NLRP5: variants seen among roughly 807,000 people sequenced by gnomAD.
NLRP5 encodes NACHT, LRR and PYD domains-containing protein 5.
In NLRP5, 93 loss-of-function variants were observed where a neutral mutation model predicts 113.1. That is an observed-to-expected ratio of 0.82 (90% CI 0.70 to 0.98). The LOEUF is 0.98. NLRP5 is among the 50% of genes least tolerant of loss of function. NLRP5 has a pLI of 0.00. For missense variants in NLRP5, 1,808 were observed against 1,514.3 expected, an observed-to-expected ratio of 1.19 and a Z score of -3.22; for synonymous variants, 751 against 600.7, an observed-to-expected ratio of 1.25 and a Z score of -3.66.
In NLRP5 at chr19:56,053,889, G is replaced by A. The variant is rs890563461; in HGVS notation, c.3299+81G>A. 164 of 1,314,144 alleles carry A rather than the reference G, an allele frequency of 1.2e-4. No individual in the cohort carries two copies. The African/African-American group carries it at 2.2e-3, about 18-fold the overall frequency. 81.4% of individuals were successfully genotyped at this position (1,314,144 alleles called of 1,614,324 possible). On this transcript the variant is annotated intron_variant, in intron 13 of 14. Coordinates refer to ENST00000390649, the MANE Select transcript of NLRP5 (RefSeq NM_153447.4). ...AGCATGAGGTTGCTTGAACAGGGAT[G>A]ATGATGATCTGGTTTCCATGAGTCC... is the stretch of plus-strand genomic sequence containing the variant.
At position 56,026,672 on chromosome 19, in the gene NLRP5, G is replaced by A. The variant is rs532943060; in HGVS notation, c.680-241G>A. ...CAGCTCACTGCAACTTCCATCTCCCGGGTTCAAGCAATTCTCCTGCCTCAG... is the reference window on the plus strand; with the variant it reads ...CAGCTCACTGCAACTTCCATCTCCCAGGTTCAAGCAATTCTCCTGCCTCAG... On this transcript the variant is annotated intron_variant, in intron 6 of 14. Transcript: ENST00000390649. 2.6e-5 allele frequency among the ~76,000 whole-genome samples: 4 copies of A among 151,568 alleles called. No homozygotes were observed. In the South Asian group the frequency reaches 6.3e-4, roughly 24 times the overall value.
the NLRP5 span, among the ~76,000 whole-genome samples, chr19:55,991,890 T>TGG: frequency 1.3e-5 from 2 of 152,100 alleles, no homozygotes; most frequent in Non-Finnish European, 2.9e-5. Context: ...TTTTTAGTTT[T>TGG]GGGGGTACAT....
At position 56,057,195 on chromosome 19, in the gene NLRP5, C is replaced by A. The variant is rs183483901; in HGVS notation, c.3300-1045C>A. 2.2e-4 allele frequency among the ~76,000 whole-genome samples: 33 copies of A among 152,272 alleles called. No homozygotes were observed. In the East Asian group the frequency reaches 4.6e-3, roughly 21 times the overall value. On this transcript the variant is annotated intron_variant, in intron 13 of 14. Coordinates refer to ENST00000390649, the MANE Select transcript of NLRP5 (RefSeq NM_153447.4). ...GATTAGGACATGTAAAACCTATATACCCACCACCTAATTTAAACAATCATT... is the reference window on the plus strand; with the variant it reads ...GATTAGGACATGTAAAACCTATATAACCACCACCTAATTTAAACAATCATT...
intron 3 of NLRP5, among the ~76,000 whole-genome samples, chr19:56,010,396 A>C (rs985125417): frequency 6.6e-6 from 1 of 152,112 alleles, no homozygotes; most frequent in Non-Finnish European, 1.5e-5. Context: ...AGGAGCTTAC[A>C]TCATAGGGGA....
In NLRP5 at chr19:56,027,215, A is replaced by C. The variant is rs775738565; in HGVS notation, c.982A>C (p.Lys328Gln). The change falls in exon 7 of 15, where the codon AAG (lysine) becomes CAG (glutamine). Residue 328 changes from lysine (K) to glutamine (Q), a missense_variant. Lys to Gln is a moderately conservative substitution (Grantham distance 53). Transcript: ENST00000390649. ...CCCCGTTAGAGAGATGCAGCGGAAG[A>C]AGGAGAGCAGTGTCACAGAGTTCAT... is the stretch of plus-strand genomic sequence containing the variant. 6.2e-7 allele frequency: 1 copy of C among 1,612,164 alleles called. No homozygotes were observed. The highest frequency in any genetic ancestry group is 1.7e-5 in the Admixed American group (1 of 59,770).
chr19:56,022,429 A>C (rs556236614), intron 6 of NLRP5, among the ~76,000 whole-genome samples: 2 of 152,032 alleles, frequency 1.3e-5, no homozygotes, highest in African/African-American at 4.8e-5. Context: ...GGGTCTCGCT[A>C]TGTTGCTCAG....
chr19:55,997,129 ATCT>A (rs747103709), upstream of NLRP5, among the ~76,000 whole-genome samples: 3 of 152,122 alleles, frequency 2.0e-5, no homozygotes, highest in Non-Finnish European at 2.9e-5. Context: ...CTATATAAAT[ATCT>A]TCTTTTGAGA....
intron 13 of NLRP5, among the ~76,000 whole-genome samples, chr19:56,055,349 T>A (rs1984092182): frequency 6.6e-6 from 1 of 151,846 alleles, no homozygotes; most frequent in Non-Finnish European, 1.5e-5. Context: ...ACACCTTGGT[T>A]CTCTGTCCCC....
At position 56,026,899 on chromosome 19, in the gene NLRP5, C is replaced by G; in HGVS notation, c.680-14C>G. 6.5e-7 allele frequency: 1 copy of G among 1,546,128 alleles called. No individual in the cohort carries two copies. ...TCTGTTTCCTGATTTTCATTCTACC[C>G]TCTCTGACTCCAGGACATGGAGGTG... is the stretch of plus-strand genomic sequence containing the variant. On this transcript the variant is annotated splice_polypyrimidine_tract_variant and intron_variant, in intron 6 of 14. Coordinates refer to ENST00000390649, the MANE Select transcript of NLRP5 (RefSeq NM_153447.4).
chr19:55,999,779 A>C lies in NLRP5; in HGVS notation c.54A>C (p.Ser18=), dbSNP rs769904442. 19 of 1,613,116 alleles carry C rather than the reference A, an allele frequency of 1.2e-5. No individual in the cohort carries two copies. The Admixed American group carries it at 3.0e-4, about 25-fold the overall frequency. The stretch of plus-strand genomic sequence containing the variant: ...GAGCTGCTGCTCTGCTCTCAGCATC[A>C]CCACGTGCGTCGACAGCCTCTTAGA... The change falls in exon 1 of 15, where the codon TCA becomes TCC. Residue 18 remains serine (S), a synonymous_variant. Coordinates refer to ENST00000390649, the MANE Select transcript of NLRP5 (RefSeq NM_153447.4).
At chr19:56,037,341 T>C (rs1278768577) in intron 9 of NLRP5, among the ~76,000 whole-genome samples, 1 of 152,014 alleles carries the variant, frequency 6.6e-6, no homozygotes, top group Non-Finnish European at 1.5e-5. Context: ...TCCACCTTCA[T>C]GGAGATGACA....
In NLRP5 at chr19:56,053,696, A is replaced by T; in HGVS notation, c.3187A>T (p.Arg1063Trp). ...TGAGAGTCTGTCCTGTGTGATCTCG[A>T]GGAGCAGACACCTGAAGAGCCTGGA... Residue 1063 changes from arginine to tryptophan, a missense_variant, in exon 13 of 15, where the codon AGG becomes TGG. By Grantham distance (101) the Arg-to-Trp change is moderately radical. Transcript: ENST00000390649. The T allele has an allele frequency of 6.2e-7, 1 of 1,613,770 alleles. No homozygotes were observed. Among genetic ancestry groups the T allele is most frequent in the Non-Finnish European group, 8.5e-7 (1 of 1,179,816 alleles).
At chr19:56,029,486 G>A (rs539512180) in intron 7 of NLRP5, among the ~76,000 whole-genome samples, 3 of 151,852 alleles carry the variant, frequency 2.0e-5, no homozygotes, top group South Asian at 2.1e-4. Context: ...GGCTGATCTC[G>A]AACTCCTGAC....
At position 56,028,000 on chromosome 19, in the gene NLRP5, C is replaced by T; in HGVS notation, c.1767C>T (p.Asp589=). 6.2e-7 allele frequency: 1 copy of T among 1,614,048 alleles called. No individual in the cohort carries two copies. Among genetic ancestry groups the T allele is most frequent in the Non-Finnish European group, 8.5e-7 (1 of 1,179,890 alleles). The stretch of plus-strand genomic sequence containing the variant: ...CCTTCTTCCACCTCAGTCTCCAGGA[C>T]TTCTGTGCCGCCTTGTACTACGTGT... Residue 589 remains aspartate, a synonymous_variant, in exon 7 of 15, where the codon GAC becomes GAT. Coordinates refer to ENST00000390649, the MANE Select transcript of NLRP5 (RefSeq NM_153447.4).
chr19:56,003,740 T>C lies in NLRP5; in HGVS notation c.87T>C (p.Pro29=). ...GTCTTGTCACTCTTTCCACAGGTCC[T>C]ACTTGCTCTATATTACCAAAGAATC... Residue 29 remains proline, a synonymous_variant, in exon 2 of 15, where the codon CCT becomes CCC. Transcript: ENST00000390649. 1 of 1,611,474 alleles carries C rather than the reference T, an allele frequency of 6.2e-7. No individual in the cohort carries two copies. Among genetic ancestry groups the C allele is most frequent in the Non-Finnish European group, 8.5e-7 (1 of 1,178,940 alleles).
At chr19:55,998,965 C>T (rs1981493324), upstream of NLRP5, among the ~76,000 whole-genome samples, 1 of 151,320 alleles carries the variant, frequency 6.6e-6, no homozygotes, top group Non-Finnish European at 1.5e-5. Flanking sequence ...TATATTAATA[C>T]ATCTTTTCTT....
At chr19:56,050,287 AAG>A (rs1491031185) in intron 11 of NLRP5, 129 bp from the exon 12 acceptor site, 15 of 784,742 alleles carry the variant, frequency 1.9e-5, no homozygotes, top group African/African-American at 3.8e-5. Flanking sequence ...AAAAAAAAAA[AAG>A]AAAAAAAAAC....
At chr19:56,008,668 G>A in intron 2 of NLRP5, 120 bp from the exon 3 acceptor site, 1 of 834,978 alleles carries the variant, frequency 1.2e-6, no homozygotes, top group Non-Finnish European at 2.0e-6. Flanking sequence ...GGAATAAACT[G>A]AGATCCTGAG....
At chr19:56,031,671 G>C (rs144126752) in intron 7 of NLRP5, among the ~76,000 whole-genome samples, 85 of 151,278 alleles carry the variant, frequency 5.6e-4, no homozygotes, top group African/African-American at 1.6e-3. Context: ...GCATTTTGCA[G>C]TATTTGTCCT....
Sources: gnomAD v4.1 joint callset for allele counts (sites outside exome capture counted in the v4.1 genomes callset) on GRCh38, gnomAD v4.1.1 for gene constraint, MANE v1.5 for transcripts, NCBI Gene and HGNC (gene_info 2026-07-23, HGNC 2026-07-21) for gene names.